NFATC1: variants seen among roughly 807,000 people sequenced by gnomAD.
NFATC1 encodes nuclear factor of activated T cells 1, also known as nuclear factor of activated T-cells, cytoplasmic 1.
In NFATC1, 22 loss-of-function variants were observed where a neutral mutation model predicts 76.0. That is an observed-to-expected ratio of 0.29 (90% CI 0.21 to 0.41). NFATC1 has a LOEUF of 0.41. Among genes scored for constraint, NFATC1 ranks in the 10% least tolerant of loss-of-function variants. NFATC1 has a pLI of 1.00. For synonymous variants in NFATC1, 704 were observed against 613.1 expected, an observed-to-expected ratio of 1.15 and a Z score of -2.19; for missense variants, 1,357 against 1,337.7, an observed-to-expected ratio of 1.01 and a Z score of -0.23.
At chr18:79,469,759 G>T (rs59510684) in intron 8 of NFATC1, 21 of 985,350 alleles carry the variant, frequency 2.1e-5, no homozygotes, top group Non-Finnish European at 2.5e-5. Flanking sequence ...TCTCCTGGAC[G>T]TAGCACCATA....
chr18:79,410,323 C>T lies in NFATC1; in HGVS notation c.128-80C>T. 1 of 1,523,630 alleles carries T rather than the reference C, an allele frequency of 6.6e-7. No individual in the cohort carries two copies. The highest frequency in any genetic ancestry group is 8.8e-7 in the Non-Finnish European group (1 of 1,140,934). 94.4% of individuals were successfully genotyped at this position (1,523,630 alleles called of 1,614,324 possible). A position where few individuals can be genotyped will look rare whatever the true frequency, so the allele number is the denominator to read the frequency against. On this transcript the variant is annotated intron_variant, in intron 1 of 9. Coordinates refer to ENST00000427363, the MANE Select transcript of NFATC1 (RefSeq NM_001278669.2). This position sits in a 1 kb window ranked among gnomAD's most constrained non-coding sequence, Gnocchi z 6.7. ...GTCCGTTGGTCGAGGCCGGGGGTTGCTGGCCGGCCCTGAGTTCATGGGTTT... is the reference window on the plus strand; with the variant it reads ...GTCCGTTGGTCGAGGCCGGGGGTTGTTGGCCGGCCCTGAGTTCATGGGTTT...
At position 79,426,621 on chromosome 18, in the gene NFATC1, G is replaced by A. The variant is rs539429424; in HGVS notation, c.1227-6958G>A. On this transcript the variant is annotated intron_variant, in intron 2 of 9. Transcript: ENST00000427363. ...ACCGTCCCCGGACCCCCAGAGGGGC[G>A]GCAAACACAGGAGTCCTGGGGAGTG... Among the ~76,000 whole-genome samples, 30 of 152,368 alleles carry A rather than the reference G, an allele frequency of 2.0e-4. No homozygotes were observed. In the East Asian group the frequency reaches 3.5e-3, roughly 18 times the overall value.
intron 9 of NFATC1, among the ~76,000 whole-genome samples, chr18:79,520,317 G>GAACTGGAGAGTCGGCAGCCC (rs1569051864): frequency 1.3e-5 from 2 of 151,882 alleles, no homozygotes; most frequent in Admixed American, 6.5e-5. Flanking sequence ...GTGTGTCTCG[G>GAACTGGAGAGTCGGCAGCCC]TGTTGATTTC....
At chr18:79,416,552 C>A (rs990018922) in intron 2 of NFATC1, among the ~76,000 whole-genome samples, 1 of 152,214 alleles carries the variant, frequency 6.6e-6, no homozygotes, top group Non-Finnish European at 1.5e-5. Flanking sequence ...CCCAGCATAG[C>A]GAGACGTGTA....
At chr18:79,429,740 T>C (rs1475834578) in intron 2 of NFATC1, among the ~76,000 whole-genome samples, 1 of 152,186 alleles carries the variant, frequency 6.6e-6, no homozygotes, top group Non-Finnish European at 1.5e-5. Context: ...AAACCAATCA[T>C]CTTAATTGTC....
rs538981258 is a variant in NFATC1 at position 79,410,799 on chromosome 18, G to C, written c.524G>C (p.Ser175Thr). 5 of 1,612,716 alleles carry C rather than the reference G, an allele frequency of 3.1e-6. No homozygotes were observed. The East Asian group carries it at 1.1e-4, about 36-fold the overall frequency. ...YRDPSCLSPA[S>T]SLSSRSCNSE... ...GACCCCTCGTGCCTGAGCCCGGCCA[G>C]CAGCCTGTCCTCCCGGAGCTGCAAC... Residue 175 changes from serine to threonine, a missense_variant, in exon 2 of 10, where the codon AGC becomes ACC. Coordinates refer to ENST00000427363, the MANE Select transcript of NFATC1 (RefSeq NM_001278669.2). The surrounding 1 kb of genome is among the most constrained non-coding windows in gnomAD (Gnocchi z 6.7).
At chr18:79,501,382 C>A (rs563344998) in intron 9 of NFATC1, among the ~76,000 whole-genome samples, 1 of 152,198 alleles carries the variant, frequency 6.6e-6, no homozygotes, top group Admixed American at 6.5e-5. Context: ...CACACTGAAT[C>A]GTCCAAGACG....
chr18:79,418,861 A>G (rs2085968263), intron 2 of NFATC1, among the ~76,000 whole-genome samples: 1 of 152,092 alleles, frequency 6.6e-6, no homozygotes, highest in African/African-American at 2.4e-5. Flanking sequence ...GGGTGTGAGG[A>G]GGCTGCGGAG....
chr18:79,489,444 C>T (rs1409971694), intron 9 of NFATC1, among the ~76,000 whole-genome samples: 1 of 152,236 alleles, frequency 6.6e-6, no homozygotes, highest in Non-Finnish European at 1.5e-5. Flanking sequence ...CAGTGGGACC[C>T]TGGAGCCCAG....
intron 1 of NFATC1, among the ~76,000 whole-genome samples, chr18:79,404,652 G>A (rs2085373004): frequency 6.6e-6 from 1 of 152,236 alleles, no homozygotes. Flanking sequence ...CGTCGTCTGT[G>A]ATGGCCGCCT....
chr18:79,432,529 C>T (rs1318475083), intron 2 of NFATC1, among the ~76,000 whole-genome samples: 1 of 152,246 alleles, frequency 6.6e-6, no homozygotes, highest in Non-Finnish European at 1.5e-5. Flanking sequence ...CTGCCTTGGC[C>T]CCTGCAGTAG....
At chr18:79,510,180 G>A (rs989479786) in intron 9 of NFATC1, among the ~76,000 whole-genome samples, 19 of 152,336 alleles carry the variant, frequency 1.2e-4, no homozygotes, top group East Asian at 5.8e-4. Flanking sequence ...TTCCCGGGCC[G>A]TCACTTCAGG....
intron 9 of NFATC1, among the ~76,000 whole-genome samples, chr18:79,520,151 C>A (rs999521435): frequency 4.0e-5 from 6 of 149,508 alleles, no homozygotes; most frequent in Non-Finnish European, 9.0e-5. Flanking sequence ...TTGACGGAGC[C>A]CATCAGGCGA....
rs1049964386 is a variant in NFATC1 at position 79,443,064 on chromosome 18, G to A, written c.1387-5718G>A. 3.9e-5 allele frequency among the ~76,000 whole-genome samples: 6 copies of A among 152,348 alleles called. No individual in the cohort carries two copies. In the East Asian group the frequency reaches 1.2e-3, roughly 29 times the overall value. Reference sequence around the variant, plus strand: ...CCCGGTCAGGACTGAGCCTGTGGCTGAGTGCAGTTTTTCAGTCGCGGCTGG... The same window carrying A: ...CCCGGTCAGGACTGAGCCTGTGGCTAAGTGCAGTTTTTCAGTCGCGGCTGG... On this transcript the variant is annotated intron_variant, in intron 3 of 9. Transcript: ENST00000427363.
In NFATC1 at chr18:79,411,510, G is replaced by C. The variant is rs774380800; in HGVS notation, c.1226+9G>C. 1 of 1,463,270 alleles carries C rather than the reference G, an allele frequency of 6.8e-7. No homozygotes were observed. Among genetic ancestry groups the C allele is most frequent in the Non-Finnish European group, 9.0e-7 (1 of 1,109,448 alleles). The allele number at this position is 1,463,270 out of a possible 1,614,324, so 90.6% of individuals were successfully genotyped here. A position where few individuals can be genotyped will look rare whatever the true frequency, so the allele number is the denominator to read the frequency against. On this transcript the variant is annotated intron_variant, in intron 2 of 9. Transcript: ENST00000427363. ...CCTACGTCCTACATGAGGTGAGCCG[G>C]CAGCGCGGGGCGGGACGGGGAGGCG...
chr18:79,402,570 T>C (rs2085304283), intron 1 of NFATC1, among the ~76,000 whole-genome samples: 1 of 152,218 alleles, frequency 6.6e-6, no homozygotes, highest in African/African-American at 2.4e-5. Flanking sequence ...CTTTCTGCTG[T>C]GTCCTTGCCC....
Position 79,528,185 on chromosome 18 carries a change from AGCTCTTTTGTAACAT to A in NFATC1, c.*612_*626del. Reference sequence around the variant, plus strand: ...TTAGAATCTTCCAGTCTGTCATCTCAGCTCTTTTGTAACATGCTTCCCTTGTCTGCGCGGTTGAAA... The same window carrying A: ...TTAGAATCTTCCAGTCTGTCATCTCAGCTTCCCTTGTCTGCGCGGTTGAAA... On this transcript the variant is annotated 3_prime_UTR_variant, in exon 10 of 10. Transcript: ENST00000427363. 1 of 371,042 alleles carries A rather than the reference AGCTCTTTTGTAACAT, an allele frequency of 2.7e-6. No homozygotes were observed. The highest frequency in any genetic ancestry group is 4.8e-6 in the Non-Finnish European group (1 of 209,124). The allele number at this position is 371,042 out of a possible 1,614,324, so 23.0% of individuals were successfully genotyped here. A position where few individuals can be genotyped will look rare whatever the true frequency, so the allele number is the denominator to read the frequency against.
intron 8 of NFATC1, among the ~76,000 whole-genome samples, chr18:79,479,778 C>T (rs190130519): frequency 2.8e-4 from 43 of 152,356 alleles, no homozygotes; most frequent in African/African-American, 9.4e-4. Context: ...GTCCACCGCC[C>T]TTTGTCCCTG....
intron 2 of NFATC1, among the ~76,000 whole-genome samples, chr18:79,424,388 T>A (rs2086206313): frequency 1.3e-5 from 2 of 152,224 alleles, no homozygotes; most frequent in South Asian, 4.1e-4. Context: ...CTGGCCACTG[T>A]GTGGTCTTGG....
Sources: allele counts gnomAD v4.1 joint callset (sites outside exome capture counted in the v4.1 genomes callset), GRCh38; gene constraint gnomAD v4.1.1; non-coding constraint Gnocchi (gnomAD v3.1); transcripts MANE v1.5; gene names NCBI Gene and HGNC (gene_info 2026-07-23, HGNC 2026-07-21).